Variants in CLEC19A observed in about 807,000 individuals in gnomAD.
CLEC19A encodes C-type lectin domain containing 19A, also known as C-type lectin domain family 19 member A.
Under a neutral mutation model 26.1 loss-of-function variants are expected in CLEC19A, and 21 were observed. That is an observed-to-expected ratio of 0.80 (90% CI 0.57 to 1.16). The LOEUF (loss-of-function observed/expected upper bound fraction) is 1.16, where lower values mean the gene tolerates loss of function less well. Ranked by LOEUF, CLEC19A falls within the 50% of genes most tolerant of loss-of-function variation. The pLI is 0.00. For missense variants in CLEC19A, 224 were observed against 227.6 expected (o/e 0.98, Z 0.10); for synonymous variants, 89 against 88.6 (o/e 1.00, Z -0.03).
rs1221830383 is a variant in CLEC19A, at chr16:19,298,810, A to G, written c.226A>G (p.Lys76Glu). 16 of 1,550,486 alleles carry G rather than the reference A, an allele frequency of 1.0e-5. No homozygotes were observed. The highest frequency in any genetic ancestry group is 1.4e-5 in the Non-Finnish European group (16 of 1,146,938). Residue 76 changes from lysine (K) to glutamate (E), a missense_variant, in exon 2 of 5, where the codon AAG becomes GAG. By Grantham distance (56) the Lys-to-Glu change is moderately conservative (BLOSUM62 1). Transcript: ENST00000636231. ...CTGTTCTGAGTTCTCTGTGGGCAGG[A>G]AGTCCGCCAAGCTGGCCTCCATCCA... ...LYCSEFSVGR[K>E]SAKLASIHSW...
At chr16:19,286,265 T>C (rs1897468694) in intron 1 of CLEC19A, among the ~76,000 whole-genome samples, 1 of 152,196 alleles carries the variant, frequency 6.6e-6, no homozygotes, top group Admixed American at 6.5e-5. Context: ...TAAGATAACA[T>C]GAGGAAAGTG....
rs1365811361 is a variant in CLEC19A, at chr16:19,298,724, T to G, written c.140T>G (p.Phe47Cys). 4 of 1,551,044 alleles carry G rather than the reference T, an allele frequency of 2.6e-6. No individual in the cohort carries two copies. In the South Asian group the frequency reaches 3.6e-5, roughly 14 times the overall value. The change falls in exon 2 of 5, where the codon TTC (phenylalanine) becomes TGC (cysteine). Residue 47 changes from phenylalanine to cysteine, a missense_variant. Coordinates refer to ENST00000636231, the MANE Select transcript of CLEC19A (RefSeq NM_001256720.2). ...PSLCPLFWME[F>C]KGHCYRFFPL... ...CTGTGCCCCCTGTTCTGGATGGAGT[T>G]CAAAGGCCACTGCTATCGATTCTTC...
At chr16:19,294,151 A>AT (rs972946821) in intron 1 of CLEC19A, among the ~76,000 whole-genome samples, 14 of 138,912 alleles carry the variant, frequency 1.0e-4, no homozygotes, top group Non-Finnish European at 2.0e-4. Flanking sequence ...TAAAAAGTTT[A>AT]TTTAAAAAAA....
chr16:19,292,411 A>T (rs1468842705), intron 1 of CLEC19A, among the ~76,000 whole-genome samples: 1 of 152,176 alleles, frequency 6.6e-6, no homozygotes, highest in East Asian at 1.9e-4. Flanking sequence ...GGACTTGGTT[A>T]AAAAAACTCC....
In CLEC19A at chr16:19,301,736, G is replaced by GTTTTTTTTT. The variant is rs1171248968; in HGVS notation, c.255-2306_255-2298dup. ...ATGACACCATGCCCAGGTTTTTTTG[G>GTTTTTTTTT]TTTTTTTTTTTTTTTTTTTTTTTTT... On this transcript the variant is annotated intron_variant, in intron 2 of 4. Transcript: ENST00000636231. Among the ~76,000 whole-genome samples the GTTTTTTTTT allele has an allele frequency of 1.8e-3, 143 of 81,454 alleles. 4 individuals are homozygous for GTTTTTTTTT. The highest frequency in any genetic ancestry group is 8.6e-3 in the Middle Eastern group (1 of 116). The allele number at this position is 81,454 out of a possible 152,430, so 53.4% of individuals were successfully genotyped here. A position where few individuals can be genotyped will look rare whatever the true frequency, so the allele number is the denominator to read the frequency against.
Position 19,307,575 on chromosome 16 carries a change from T to A in CLEC19A, c.379T>A (p.Ser127Thr). Residue 127 changes from serine (S) to threonine (T), a missense_variant, in exon 4 of 5, where the codon TCC becomes ACC. Coordinates refer to ENST00000636231, the MANE Select transcript of CLEC19A (RefSeq NM_001256720.2). ...GCAGTTTGAATGGACTGATGGCTCA[T>A]CCTATGACTACAGCTACTGGGATGG... ...EGQFEWTDGS[S>T]YDYSYWDGSQ... The A allele has an allele frequency of 1.3e-6, 2 of 1,548,200 alleles. No homozygotes were observed. Among genetic ancestry groups the A allele is most frequent in the Non-Finnish European group, 1.7e-6 (2 of 1,146,776 alleles).
At chr16:19,302,256 T>A (rs1897850822) in intron 2 of CLEC19A, among the ~76,000 whole-genome samples, 1 of 152,200 alleles carries the variant, frequency 6.6e-6, no homozygotes, top group Admixed American at 6.5e-5. Context: ...TCAATTCCAC[T>A]TCACTAACAC....
intron 1 of CLEC19A, among the ~76,000 whole-genome samples, chr16:19,294,233 C>T (rs1170376077): frequency 6.6e-6 from 1 of 152,132 alleles, no homozygotes. Flanking sequence ...ACTACAAGCT[C>T]TTCCCACTAC....
At chr16:19,290,406 G>A (rs1897559003) in intron 1 of CLEC19A, among the ~76,000 whole-genome samples, 1 of 150,010 alleles carries the variant, frequency 6.7e-6, no homozygotes, top group South Asian at 2.1e-4. Flanking sequence ...TCCCGGCCAT[G>A]CTAAACCATT....
chr16:19,306,947 T>C (rs1458900108), intron 3 of CLEC19A, among the ~76,000 whole-genome samples: 1 of 152,254 alleles, frequency 6.6e-6, no homozygotes, highest in Non-Finnish European at 1.5e-5. Context: ...AAATGGCTCC[T>C]GTTCCTGGAC....
chr16:19,296,968 A>T (rs1164154556), intron 1 of CLEC19A, among the ~76,000 whole-genome samples: 3 of 152,150 alleles, frequency 2.0e-5, no homozygotes, highest in African/African-American at 7.2e-5. Context: ...TCTCAACCCC[A>T]GTCTAACAGA....
intron 3 of CLEC19A, among the ~76,000 whole-genome samples, chr16:19,307,201 G>T (rs988479213): frequency 6.6e-6 from 1 of 152,174 alleles, no homozygotes; most frequent in Non-Finnish European, 1.5e-5. Context: ...CAGCACTAAT[G>T]CTTTATTTGC....
chr16:19,288,674 G>A (rs1036454688), intron 1 of CLEC19A, among the ~76,000 whole-genome samples: 1 of 152,094 alleles, frequency 6.6e-6, no homozygotes, highest in African/African-American at 2.4e-5. Context: ...TTGTTTAAGT[G>A]GATTAATGAA....
At chr16:19,300,911 G>C (rs932078814) in intron 2 of CLEC19A, among the ~76,000 whole-genome samples, 1 of 152,140 alleles carries the variant, frequency 6.6e-6, no homozygotes. Context: ...GAGGGGGAAA[G>C]AAATACTCTG....
intron 1 of CLEC19A, among the ~76,000 whole-genome samples, chr16:19,286,455 C>T (rs1009954875): frequency 6.6e-6 from 1 of 152,192 alleles, no homozygotes; most frequent in East Asian, 1.9e-4. Context: ...TAATGGCCTC[C>T]CTGGAGGCCT....
At chr16:19,308,465 G>A (rs1271529915) in intron 4 of CLEC19A, among the ~76,000 whole-genome samples, 2 of 152,216 alleles carry the variant, frequency 1.3e-5, no homozygotes, top group African/African-American at 2.4e-5. Flanking sequence ...GCCATGCTCA[G>A]TATTCAGTAT....
At chr16:19,299,347 A>C (rs1004878061) in intron 2 of CLEC19A, among the ~76,000 whole-genome samples, 1 of 152,226 alleles carries the variant, frequency 6.6e-6, no homozygotes, top group Non-Finnish European at 1.5e-5. Context: ...ACCATATTAC[A>C]TAGGTATCTT....
chr16:19,290,812 T>C (rs955745228), intron 1 of CLEC19A, among the ~76,000 whole-genome samples: 15 of 107,342 alleles, frequency 1.4e-4, no homozygotes, highest in African/African-American at 6.7e-4. Flanking sequence ...GCTAATGACA[T>C]CTTTATTTTT....
intron 1 of CLEC19A, among the ~76,000 whole-genome samples, chr16:19,290,457 C>T (rs990192877): frequency 8.5e-5 from 13 of 152,112 alleles, no homozygotes; most frequent in African/African-American, 3.1e-4. Context: ...CACCTCCAGA[C>T]CTCTGCACAC....
Sources: gnomAD v4.1 joint callset for allele counts (sites outside exome capture counted in the v4.1 genomes callset) on GRCh38, gnomAD v4.1.1 for gene constraint, MANE v1.5 for transcripts, NCBI Gene and HGNC (gene_info 2026-07-23, HGNC 2026-07-21) for gene names.